The following DNAJC18 variants were observed in gnomAD, a reference collection of about 807,000 sequenced individuals.
DNAJC18 encodes DnaJ heat shock protein family (Hsp40) member C18.
DNAJC18 carries 40 observed loss-of-function variants against 48.6 expected under a neutral mutation model. That is an observed-to-expected ratio of 0.82 (90% CI 0.64 to 1.07). The LOEUF is 1.07. Among genes scored for constraint, DNAJC18 ranks in the 50% least tolerant of loss-of-function variants. DNAJC18 has a pLI of 0.00. For synonymous variants in DNAJC18, 135 were observed against 152.2 expected (o/e 0.89, Z 0.83); for missense variants, 340 against 427.7 (o/e 0.79, Z 1.81).
At position 139,414,013 on chromosome 5, in the gene DNAJC18, C is replaced by T; in HGVS notation, c.*135G>A. The T allele has an allele frequency of 7.5e-7, 1 of 1,335,272 alleles. No individual in the cohort carries two copies. 82.7% of individuals were successfully genotyped at this position (1,335,272 alleles called of 1,614,324 possible). A position where few individuals can be genotyped will look rare whatever the true frequency, so the allele number is the denominator to read the frequency against. On this transcript the variant is annotated 3_prime_UTR_variant, in exon 8 of 8. Transcript: ENST00000302060. ...TCTGGCTCTCGTGCCCATGCTCCTG[C>T]CACTCTGCCCAACCAACGAAGTTAG...
At chr5:139,417,293 GC>G (rs1483302496) in intron 7 of DNAJC18, among the ~76,000 whole-genome samples, 1 of 152,018 alleles carries the variant, frequency 6.6e-6, no homozygotes, top group Non-Finnish European at 1.5e-5. Context: ...GGCTAACCTT[GC>G]TAAAAACAGT....
chr5:139,438,333 C>T (rs1237616498), intron 1 of DNAJC18, among the ~76,000 whole-genome samples: 2 of 125,858 alleles, frequency 1.6e-5, no homozygotes, highest in Non-Finnish European at 3.8e-5. Flanking sequence ...AAAAAAAGAA[C>T]ATTATGAGAT....
intron 2 of DNAJC18, 139 bp downstream of exon 2, chr5:139,437,233 C>T: frequency 9.3e-6 from 10 of 1,073,850 alleles, no homozygotes; most frequent in Non-Finnish European, 1.3e-5. Context: ...TTCAGTCTTC[C>T]CTCTGAGGTC....
chr5:139,436,229 G>A (rs972665767), intron 2 of DNAJC18, among the ~76,000 whole-genome samples: 1 of 151,842 alleles, frequency 6.6e-6, no homozygotes, highest in East Asian at 1.9e-4. Context: ...GGGACCACAG[G>A]CATGTGCCAC....
intron 5 of DNAJC18, 41 bp from the exon 6 acceptor site, chr5:139,422,858 T>C (rs1759176816): frequency 1.4e-6 from 1 of 709,388 alleles, no homozygotes; most frequent in Non-Finnish European, 2.0e-6. Flanking sequence ...GTAAGTGTTC[T>C]TTTTTTTTTT....
chr5:139,422,723 C>T lies in DNAJC18; in HGVS notation c.764G>A (p.Ser255Asn). The T allele has an allele frequency of 6.2e-7, 1 of 1,606,366 alleles. No homozygotes were observed. The highest frequency in any genetic ancestry group is 8.5e-7 in the Non-Finnish European group (1 of 1,176,142). ...CCAGACTTACGATTTATAGAACAGA[C>T]TATATGGGGGATTAGTAGCCAGCAG... The part of the protein sequence containing the change: ...TQLLATNPPY[S>N]LFYKSTLGYT... Residue 255 changes from serine to asparagine, a missense_variant, in exon 6 of 8, where the codon AGT becomes AAT. Ser to Asn is a conservative substitution (Grantham distance 46). Coordinates refer to ENST00000302060, the MANE Select transcript of DNAJC18 (RefSeq NM_152686.4).
rs1329018409 is a variant in DNAJC18, at chr5:139,433,444, CA to C, written c.227+3927del. 7.0e-3 allele frequency among the ~76,000 whole-genome samples: 466 copies of C among 66,702 alleles called. 1 individual carries two copies. The highest frequency in any genetic ancestry group is 0.048 in the Middle Eastern group (4 of 84). The allele number at this position is 66,702 out of a possible 152,430, so 43.8% of individuals were successfully genotyped here. ...GGGCGACAAGAGCAAAACTCCATCT[CA>C]AAAAAAAAAAAAAACAAAACTGGAG... is the stretch of plus-strand genomic sequence containing the variant. On this transcript the variant is annotated intron_variant, in intron 2 of 7. Transcript: ENST00000302060.
chr5:139,416,237 A>C (rs946092111), intron 7 of DNAJC18, among the ~76,000 whole-genome samples: 6 of 152,234 alleles, frequency 3.9e-5, no homozygotes, highest in Non-Finnish European at 1.5e-5. Context: ...TAATTAAAAA[A>C]AATTTTGGGG....
chr5:139,434,270 A>T (rs1173806329), intron 2 of DNAJC18, among the ~76,000 whole-genome samples: 1 of 152,156 alleles, frequency 6.6e-6, no homozygotes, highest in Non-Finnish European at 1.5e-5. Context: ...AACTGATGCC[A>T]CTCAAACCTG....
chr5:139,439,188 G>A lies in DNAJC18; in HGVS notation c.40+218C>T, dbSNP rs2152085936. 6.6e-6 allele frequency among the ~76,000 whole-genome samples: 1 copy of A among 152,292 alleles called. No individual in the cohort carries two copies. Among genetic ancestry groups the A allele is most frequent in the South Asian group, 2.1e-4 (1 of 4,832 alleles). On this transcript the variant is annotated intron_variant, in intron 1 of 7. Coordinates refer to ENST00000302060, the MANE Select transcript of DNAJC18 (RefSeq NM_152686.4). The surrounding 1 kb of genome is among the most constrained non-coding windows in gnomAD (Gnocchi z 4.1). ...GGGGCACGGGCGGGGGCGGGGCTGG[G>A]GGCCGGAGGCAACAAGTCGTCACCG...
rs959944191 is a variant in DNAJC18 at position 139,413,159 on chromosome 5, T to A, written c.*989A>T. ...TAAATGTTGAATGAATGAAAAATCA[T>A]CTCAAATCACAAACTATAGGATACT... On this transcript the variant is annotated 3_prime_UTR_variant, in exon 8 of 8. Transcript: ENST00000302060. The A allele has an allele frequency of 5.7e-6, 2 of 348,456 alleles. No individual in the cohort carries two copies. Among genetic ancestry groups the A allele is most frequent in the East Asian group, 4.3e-5 (1 of 23,050 alleles). The allele number at this position is 348,456 out of a possible 1,614,324, so 21.6% of individuals were successfully genotyped here. A position where few individuals can be genotyped will look rare whatever the true frequency, so the allele number is the denominator to read the frequency against.
rs1459052947 is a variant in DNAJC18 at position 139,412,092 on chromosome 5, A to G, written c.*2056T>C. The G allele has an allele frequency of 6.6e-6, 1 of 152,168 alleles. No homozygotes were observed. The highest frequency in any genetic ancestry group is 1.5e-5 in the Non-Finnish European group (1 of 68,044). 9.4% of individuals were successfully genotyped at this position (152,168 alleles called of 1,614,324 possible). The stretch of plus-strand genomic sequence containing the variant: ...ATGCTCCCTCTCCCTGCAACTGAGC[A>G]GTTGTCCCCTACAAGCCACTAAAGC... On this transcript the variant is annotated 3_prime_UTR_variant, in exon 8 of 8. Coordinates refer to ENST00000302060, the MANE Select transcript of DNAJC18 (RefSeq NM_152686.4).
intron 7 of DNAJC18, chr5:139,418,939 A>C: frequency 6.8e-6 from 3 of 444,084 alleles, no homozygotes; most frequent in Non-Finnish European, 1.4e-5. Context: ...TGTGATTGGT[A>C]CTATGTTAGC....
At chr5:139,420,763 T>C (rs1272063974) in intron 6 of DNAJC18, among the ~76,000 whole-genome samples, 1 of 151,944 alleles carries the variant, frequency 6.6e-6, no homozygotes, top group Non-Finnish European at 1.5e-5. Context: ...GAGCTAACTC[T>C]CTGTGGGTCC....
intron 2 of DNAJC18, 110 bp downstream of exon 2, chr5:139,437,262 A>G: frequency 7.4e-7 from 1 of 1,358,716 alleles, no homozygotes; most frequent in Non-Finnish European, 9.8e-7. Context: ...AGTATGCCTC[A>G]ATTATCATCA....
intron 5 of DNAJC18, among the ~76,000 whole-genome samples, chr5:139,423,623 A>G (rs778726875): frequency 4.6e-5 from 7 of 151,978 alleles, no homozygotes; most frequent in Non-Finnish European, 1.0e-4. Flanking sequence ...TCCTAGGCTC[A>G]AGCAATTCTC....
rs765022353 is a variant in DNAJC18 at position 139,426,302 on chromosome 5, A to G, written c.429T>C (p.Asp143=). The change falls in exon 4 of 8, where the codon GAT becomes GAC. Residue 143 remains aspartate, a synonymous_variant. Coordinates refer to ENST00000302060, the MANE Select transcript of DNAJC18 (RefSeq NM_152686.4). ...LSNPDKRLRY[D]EYGDEQVTFT... is the part of the protein sequence containing the mutation. Reference sequence around the variant, plus strand: ...AAGTCACCTGTTCATCTCCGTATTCATCATAGCGAAGTCTCTTATCAGGAT... The same window carrying G: ...AAGTCACCTGTTCATCTCCGTATTCGTCATAGCGAAGTCTCTTATCAGGAT... 3.7e-6 allele frequency: 6 copies of G among 1,614,192 alleles called. No individual in the cohort carries two copies. Among genetic ancestry groups the G allele is most frequent in the Non-Finnish European group, 5.1e-6 (6 of 1,180,018 alleles).
chr5:139,437,542 A>G lies in DNAJC18; in HGVS notation c.57T>C (p.Val19=), dbSNP rs745451416. The G allele has an allele frequency of 6.2e-7, 1 of 1,612,342 alleles. No individual in the cohort carries two copies. Among genetic ancestry groups the G allele is most frequent in the Non-Finnish European group, 8.5e-7 (1 of 1,179,496 alleles). The change falls in exon 2 of 8, where the codon GTT becomes GTC. Residue 19 remains valine, a synonymous_variant. Coordinates refer to ENST00000302060, the MANE Select transcript of DNAJC18 (RefSeq NM_152686.4). Reference sequence around the variant, plus strand: ...TGTCTTCTGGGTATTTGTTTCTTCTAACTGCGTCAATGTAAGCTGCAAACA... The same window carrying G: ...TGTCTTCTGGGTATTTGTTTCTTCTGACTGCGTCAATGTAAGCTGCAAACA... The part of the protein sequence containing the change: ...ERWTEAYIDA[V]RRNKYPEDTP...
intron 7 of DNAJC18, among the ~76,000 whole-genome samples, chr5:139,417,818 T>C (rs761802172): frequency 1.2e-4 from 18 of 152,006 alleles, no homozygotes; most frequent in Admixed American, 2.6e-4. Context: ...AGGTGATCCA[T>C]CCTCCTTGGC....
Sources: allele counts gnomAD v4.1 joint callset (sites outside exome capture counted in the v4.1 genomes callset), GRCh38; gene constraint gnomAD v4.1.1; non-coding constraint Gnocchi (gnomAD v3.1); transcripts MANE v1.5; gene names NCBI Gene and HGNC (gene_info 2026-07-23, HGNC 2026-07-21).